Variants in PCDHA6 observed in about 807,000 individuals in gnomAD.
PCDHA6 encodes protocadherin alpha 6, also known as protocadherin alpha-6.
Under a neutral mutation model 60.3 loss-of-function variants are expected in PCDHA6, and 55 were observed. That is an observed-to-expected ratio of 0.91 (90% confidence interval 0.73 to 1.14). The LOEUF is 1.14. Among genes scored for constraint, PCDHA6 ranks in the 50% most tolerant of loss-of-function variants. The pLI is 0.00. For synonymous variants in PCDHA6, 652 were observed against 557.9 expected (o/e 1.17, Z -2.38); for missense variants, 1,327 against 1,256.5 (o/e 1.06, Z -0.85).
chr5:140,950,874 G>C (rs1237864508), intron 1 of PCDHA6, among the ~76,000 whole-genome samples: 20 of 151,700 alleles, frequency 1.3e-4, no homozygotes, highest in African/African-American at 4.8e-4. Flanking sequence ...ATTCTATATT[G>C]TTCAATAGGT....
intron 1 of PCDHA6, chr5:140,967,465 C>T: frequency 1.2e-6 from 2 of 1,613,512 alleles, no homozygotes; most frequent in Non-Finnish European, 1.7e-6. Flanking sequence ...TGGATGGGGG[C>T]ATCCCAGCCC....
chr5:141,009,290 A>G (rs1372878338), intron 3 of PCDHA6, among the ~76,000 whole-genome samples: 1 of 152,118 alleles, frequency 6.6e-6, no homozygotes, highest in Non-Finnish European at 1.5e-5. Context: ...TCCCATTTCT[A>G]TAAAATTTTT....
At chr5:140,882,415 T>G (rs782393404) in intron 1 of PCDHA6, 23 of 1,614,072 alleles carry the variant, frequency 1.4e-5, no homozygotes, top group African/African-American at 2.7e-5. Flanking sequence ...GCCGCATCGC[T>G]CAGGACCTGG....
At chr5:140,957,339 TGAGA>T (rs2095352193) in intron 1 of PCDHA6, among the ~76,000 whole-genome samples, 1 of 152,152 alleles carries the variant, frequency 6.6e-6, no homozygotes, top group African/African-American at 2.4e-5. Context: ...TAAGATATTT[TGAGA>T]GAGAGACCAC....
intron 1 of PCDHA6, chr5:140,870,154 G>T (rs1243170344): frequency 6.2e-7 from 1 of 1,614,130 alleles, no homozygotes; most frequent in African/African-American, 1.3e-5. Flanking sequence ...TGAAGTCGCC[G>T]TGACTTCCTT....
chr5:140,890,056 C>T (rs2062472126), intron 1 of PCDHA6, among the ~76,000 whole-genome samples: 1 of 152,124 alleles, frequency 6.6e-6, no homozygotes, highest in African/African-American at 2.4e-5. Flanking sequence ...GGAGCTGGCT[C>T]TTTTACTGGC....
chr5:140,884,305 G>C, intron 1 of PCDHA6: 1 of 1,613,720 alleles, frequency 6.2e-7, no homozygotes, highest in African/African-American at 1.3e-5. Flanking sequence ...CACAGGCTTC[G>C]TCGAGGGCGT....
intron 1 of PCDHA6, among the ~76,000 whole-genome samples, chr5:140,960,693 T>C (rs2095562408): frequency 6.6e-6 from 1 of 152,136 alleles, no homozygotes; most frequent in Non-Finnish European, 1.5e-5. Flanking sequence ...AATGAGGGTG[T>C]TCTTTAGTGC....
rs78805068 is a variant in PCDHA6, at chr5:140,928,696, C to T, written c.2395-50253C>T. On this transcript the variant is annotated intron_variant, in intron 1 of 3. Transcript: ENST00000529310. ...TGCCTGGCTTTCCTACCACATCTCC[C>T]GGGCGTCTGACTCTAGTCTCTTTAG... The T allele has an allele frequency of 3.2e-3, 5,185 of 1,614,146 alleles. 27 individuals carry two copies. The highest frequency in any genetic ancestry group is 0.019 in the African/African-American group (1,449 of 75,020).
At position 140,856,143 on chromosome 5, in the gene PCDHA6, A is replaced by G. The variant is rs782449893; in HGVS notation, c.2394+25658A>G. 6 of 1,598,020 alleles carry G rather than the reference A, an allele frequency of 3.8e-6. 1 individual carries two copies. The South Asian group carries it at 6.6e-5, about 18-fold the overall frequency. On this transcript the variant is annotated intron_variant, in intron 1 of 3. Coordinates refer to ENST00000529310, the MANE Select transcript of PCDHA6 (RefSeq NM_018909.4). ...GAGGTGGGGAGCGGCCAGCTCCACTACTCAGTCTACGAGGAGGCCAGACAC... is the reference window on the plus strand; with the variant it reads ...GAGGTGGGGAGCGGCCAGCTCCACTGCTCAGTCTACGAGGAGGCCAGACAC...
At chr5:140,871,014 C>G (rs1554164974) in intron 1 of PCDHA6, 1 of 1,613,178 alleles carries the variant, frequency 6.2e-7, no homozygotes, top group East Asian at 2.2e-5. Context: ...GTGCCCTGGA[C>G]GAGGCAGACT....
intron 1 of PCDHA6, chr5:140,969,314 G>T (rs200006206): frequency 6.2e-7 from 1 of 1,614,150 alleles, no homozygotes; most frequent in African/African-American, 1.3e-5. Context: ...CAAAAATGAG[G>T]CTGTTTCTCA....
At chr5:140,831,310 A>G (rs1483260174) in intron 1 of PCDHA6, 1 of 152,080 alleles carries the variant, frequency 6.6e-6, no homozygotes, top group East Asian at 1.9e-4. Context: ...ATTTCTTTGT[A>G]TTAGTGTTTT....
intron 1 of PCDHA6, among the ~76,000 whole-genome samples, chr5:140,973,341 C>T (rs1323571061): frequency 6.6e-6 from 1 of 152,124 alleles, no homozygotes; most frequent in African/African-American, 2.4e-5. Flanking sequence ...TGTAAAGTGA[C>T]ATAGTAGTGA....
At chr5:140,914,778 T>G (rs942539067) in intron 1 of PCDHA6, among the ~76,000 whole-genome samples, 1 of 152,138 alleles carries the variant, frequency 6.6e-6, no homozygotes, top group African/African-American at 2.4e-5. Flanking sequence ...ATGACTTATC[T>G]TATGACCCAT....
At chr5:140,925,866 G>A (rs952823745) in intron 1 of PCDHA6, among the ~76,000 whole-genome samples, 2 of 152,002 alleles carry the variant, frequency 1.3e-5, no homozygotes, top group Admixed American at 1.3e-4. Flanking sequence ...TATTGCTATT[G>A]ACTGGTTTAT....
At chr5:140,980,307 TA>T (rs1554241617) in intron 2 of PCDHA6, among the ~76,000 whole-genome samples, 2 of 152,140 alleles carry the variant, frequency 1.3e-5, no homozygotes, top group African/African-American at 4.8e-5. Context: ...AGTTGTGCCT[TA>T]AAAACTACAT....
intron 3 of PCDHA6, among the ~76,000 whole-genome samples, chr5:141,003,892 C>T (rs1401621234): frequency 6.6e-6 from 1 of 152,124 alleles, no homozygotes; most frequent in South Asian, 2.1e-4. Context: ...TCTTAACAGG[C>T]CCATTCATTT....
rs202125503 is a variant in PCDHA6 at position 140,834,460 on chromosome 5, C to A, written c.2394+3975C>A. 5.3e-5 allele frequency: 84 copies of A among 1,589,840 alleles called. No homozygotes were observed. Among genetic ancestry groups the A allele is most frequent in the Middle Eastern group, 1.7e-4 (1 of 5,902 alleles). On this transcript the variant is annotated intron_variant, in intron 1 of 3. Transcript: ENST00000529310. ...ATTATAATTCTAGCAGCTTGGGAGG[C>A]AGGGAGAGGCCAGCTCCACTACTCG... is the stretch of plus-strand genomic sequence containing the variant.
Sources: gnomAD v4.1 joint callset for allele counts (sites outside exome capture counted in the v4.1 genomes callset) on GRCh38, gnomAD v4.1.1 for gene constraint, MANE v1.5 for transcripts, NCBI Gene and HGNC (gene_info 2026-07-23, HGNC 2026-07-21) for gene names.